The following ESR1 variants were observed in gnomAD, a reference collection of about 807,000 sequenced individuals.
ESR1 encodes the protein estrogen receptor.
ESR1 carries 12 observed loss-of-function variants against 52.7 expected under a neutral mutation model. That is an observed-to-expected ratio of 0.23 (90% CI 0.15 to 0.37). The LOEUF (loss-of-function observed/expected upper bound fraction) is 0.37, where lower values mean the gene tolerates loss of function less well. Among genes scored for constraint, ESR1 ranks in the 10% least tolerant of loss-of-function variants. The probability of loss-of-function intolerance (pLI) is 1.00; values close to 1 mark genes in which losing one functional copy is unlikely to be tolerated. For synonymous variants in ESR1, 305 were observed against 316.8 expected (o/e 0.96, Z 0.39); for missense variants, 584 against 779.7 (o/e 0.75, Z 2.99).
At chr6:151,668,449 A>AT (rs1313987523) in intron 1 of ESR1, among the ~76,000 whole-genome samples, 1 of 151,812 alleles carries the variant, frequency 6.6e-6, no homozygotes, top group Non-Finnish European at 1.5e-5. Flanking sequence ...TGCCTGGCTA[A>AT]TTTTTTGTAT....
intron 1 of ESR1, among the ~76,000 whole-genome samples, chr6:151,809,783 A>G (rs532010): frequency 0.4 from 60,442 of 151,998 alleles, 12,009 homozygotes; most frequent in South Asian, 0.46. Context: ...CAATGAACAA[A>G]ACTTTTAAAG....
At chr6:151,676,249 G>T (rs987863939) in intron 1 of ESR1, among the ~76,000 whole-genome samples, 3 of 152,266 alleles carry the variant, frequency 2.0e-5, no homozygotes, top group East Asian at 3.9e-4. Flanking sequence ...GGTGAGCCAG[G>T]TCCATACTTG....
intron 6 of ESR1, among the ~76,000 whole-genome samples, chr6:152,078,129 A>C (rs527313678): frequency 7.4e-4 from 113 of 152,274 alleles, no homozygotes; most frequent in African/African-American, 2.6e-3. Flanking sequence ...AACAATTTGA[A>C]TCATGAGGCC....
At chr6:151,724,010 A>G (rs1199125099) in intron 2 of ESR1, among the ~76,000 whole-genome samples, 1 of 152,108 alleles carries the variant, frequency 6.6e-6, no homozygotes, top group African/African-American at 2.4e-5. Flanking sequence ...CTGGAGTAAT[A>G]CTGGAATTCT....
At chr6:152,059,938 G>C (rs897306127) in intron 5 of ESR1, among the ~76,000 whole-genome samples, 1 of 152,058 alleles carries the variant, frequency 6.6e-6, no homozygotes, top group African/African-American at 2.4e-5. Context: ...AAAACAAGGT[G>C]CTAAACAATA....
intron 6 of ESR1, among the ~76,000 whole-genome samples, chr6:152,067,513 T>G (rs2048055630): frequency 6.6e-6 from 1 of 151,458 alleles, no homozygotes; most frequent in South Asian, 2.1e-4. Flanking sequence ...TTCTCTAGGG[T>G]CCAGACATTA....
In ESR1 at chr6:151,857,481, ACACC is replaced by A. The variant is rs1166373562; in HGVS notation, c.643+14706_643+14709del. Among the ~76,000 whole-genome samples, 500 of 151,870 alleles carry A rather than the reference ACACC, an allele frequency of 3.3e-3. 5 individuals are homozygous for A. Among genetic ancestry groups the A allele is most frequent in the East Asian group, 0.025 (128 of 5,162 alleles). The stretch of plus-strand genomic sequence containing the variant: ...CATAAACACACCCACACACACAAAC[ACACC>A]CACCCACCCACACACACACACACAC... On this transcript the variant is annotated intron_variant, in intron 2 of 7. Transcript: ENST00000206249.
At chr6:151,827,684 ACACT>A (rs1781741368) in intron 1 of ESR1, among the ~76,000 whole-genome samples, 1 of 152,192 alleles carries the variant, frequency 6.6e-6, no homozygotes. Context: ...AAAAGTTAAA[ACACT>A]ATGTCTTTAA....
At chr6:151,909,090 A>T (rs1262852898) in intron 3 of ESR1, among the ~76,000 whole-genome samples, 1 of 152,198 alleles carries the variant, frequency 6.6e-6, no homozygotes. Context: ...ATAAAATGGA[A>T]AAGGGCAACC....
intron 3 of ESR1, among the ~76,000 whole-genome samples, chr6:151,895,838 T>C (rs1352528949): frequency 6.6e-6 from 1 of 152,194 alleles, no homozygotes; most frequent in Non-Finnish European, 1.5e-5. Context: ...GTTTTGCTCT[T>C]GTTGCCCAGG....
chr6:152,094,673 C>A lies in ESR1; in HGVS notation c.1553+105C>A. The A allele has an allele frequency of 1.0e-6, 1 of 996,856 alleles. No individual in the cohort carries two copies. Among genetic ancestry groups the A allele is most frequent in the Non-Finnish European group, 1.5e-6 (1 of 652,028 alleles). The allele number at this position is 996,856 out of a possible 1,614,324, so 61.8% of individuals were successfully genotyped here. A position where few individuals can be genotyped will look rare whatever the true frequency, so the allele number is the denominator to read the frequency against. On this transcript the variant is annotated intron_variant, in intron 7 of 7. Transcript: ENST00000206249. This position sits in a 1 kb window ranked among gnomAD's most constrained non-coding sequence, Gnocchi z 4.6. The stretch of plus-strand genomic sequence containing the variant: ...GACTGGTGCCTGCATATGGAGAGTG[C>A]ACTTGTGACAGTTCCTGGCATAGAA...
chr6:152,080,534 A>G (rs2049108439), intron 6 of ESR1, among the ~76,000 whole-genome samples: 1 of 152,228 alleles, frequency 6.6e-6, no homozygotes, highest in South Asian at 2.1e-4. Context: ...AAACAGTACC[A>G]GCCACTGCAA....
At chr6:151,888,166 A>T (rs1794166778) in intron 3 of ESR1, among the ~76,000 whole-genome samples, 1 of 152,042 alleles carries the variant, frequency 6.6e-6, no homozygotes, top group African/African-American at 2.4e-5. Context: ...TTGTGGTTCC[A>T]TACAAATTTT....
chr6:151,731,897 C>T (rs974875701), intron 2 of ESR1, among the ~76,000 whole-genome samples: 1 of 152,096 alleles, frequency 6.6e-6, no homozygotes, highest in Non-Finnish European at 1.5e-5. Context: ...TCCCACTAAT[C>T]AGAAGAAGAA....
At chr6:152,032,090 AC>A (rs952585346) in intron 5 of ESR1, among the ~76,000 whole-genome samples, 187 of 152,178 alleles carry the variant, frequency 1.2e-3, no homozygotes, top group African/African-American at 4.1e-3. Flanking sequence ...AAATTCAACA[AC>A]CCTTCATGCT....
chr6:151,840,872 T>C (rs2128230507), intron 1 of ESR1, among the ~76,000 whole-genome samples: 1 of 152,338 alleles, frequency 6.6e-6, no homozygotes. Flanking sequence ...TCTCCATTCA[T>C]TTAAATATAT....
At chr6:151,799,607 T>C (rs958851702), upstream of ESR1, among the ~76,000 whole-genome samples, 1 of 152,228 alleles carries the variant, frequency 6.6e-6, no homozygotes, top group Non-Finnish European at 1.5e-5. Flanking sequence ...AGAGTCCTTG[T>C]GTGCCCTTTT....
intron 6 of ESR1, among the ~76,000 whole-genome samples, chr6:152,084,934 A>T (rs534494119): frequency 6.6e-6 from 1 of 152,218 alleles, no homozygotes; most frequent in Non-Finnish European, 1.5e-5. Flanking sequence ...TATGAAAACC[A>T]TTAACTTCAC....
chr6:152,002,927 G>A (rs1053678493), intron 4 of ESR1, among the ~76,000 whole-genome samples: 1 of 151,992 alleles, frequency 6.6e-6, no homozygotes, highest in African/African-American at 2.4e-5. Flanking sequence ...TAGCATAATT[G>A]TAGCAAATAT....
Sources: gnomAD v4.1 joint callset for allele counts (sites outside exome capture counted in the v4.1 genomes callset) on GRCh38, gnomAD v4.1.1 for gene constraint, Gnocchi (gnomAD v3.1) non-coding constraint, MANE v1.5 for transcripts, NCBI Gene and HGNC (gene_info 2026-07-23, HGNC 2026-07-21) for gene names.